Variants in ELAVL3 observed in about 807,000 individuals in gnomAD.
ELAVL3 encodes ELAV-like protein 3.
ELAVL3 carries 8 observed loss-of-function variants against 34.2 expected under a neutral mutation model. That is an observed-to-expected ratio of 0.23 (90% CI 0.14 to 0.42). The LOEUF (loss-of-function observed/expected upper bound fraction) is 0.42, where lower values mean the gene tolerates loss of function less well. Ranked by LOEUF, ELAVL3 falls within the 10% of genes least tolerant of loss-of-function variation. The pLI is 1.00. For synonymous variants in ELAVL3, 209 were observed against 222.1 expected (o/e 0.94, Z 0.53); for missense variants, 273 against 518.8 (o/e 0.53, Z 4.60).
chr19:11,458,544 T>G lies in ELAVL3; in HGVS notation c.401A>C (p.Lys134Thr). The change falls in exon 4 of 7, where the codon AAG (lysine) becomes ACG (threonine). Residue 134 changes from lysine (K) to threonine (T), a missense_variant. By Grantham distance (78) the Lys-to-Thr change is moderately conservative. Around this residue, in one of 4 missense-constraint regions of ELAVL3, gnomAD observed 102 missense variants for 250.1 expected, o/e 0.41. Transcript: ENST00000359227. The surrounding 1 kb of genome is among the most constrained non-coding windows in gnomAD (Gnocchi z 7.3). The stretch of plus-strand genomic sequence containing the variant: ...CTCCATCTCTTTCTGGCTCATGGTC[T>G]TGGGGAGCCCGCTGACGTACAGGTT... ...DANLYVSGLP[K>T]TMSQKEMEQL... The G allele has an allele frequency of 6.2e-7, 1 of 1,614,166 alleles. No homozygotes were observed. Among genetic ancestry groups the G allele is most frequent in the Non-Finnish European group, 8.5e-7 (1 of 1,180,026 alleles).
chr19:11,466,574 C>T lies in ELAVL3; in HGVS notation c.229+34G>A. On this transcript the variant is annotated intron_variant, in intron 2 of 6. Transcript: ENST00000359227. This position sits in a 1 kb window ranked among gnomAD's most constrained non-coding sequence, Gnocchi z 5.0. ...CACCTCTGTATTTCTGAGGCTACCA[C>T]CTCTGTTCCTCCCCGCAACTCCAGC... 1 of 1,610,314 alleles carries T rather than the reference C, an allele frequency of 6.2e-7. No individual in the cohort carries two copies. The highest frequency in any genetic ancestry group is 8.5e-7 in the Non-Finnish European group (1 of 1,177,776).
intron 3 of ELAVL3, among the ~76,000 whole-genome samples, chr19:11,464,125 C>CTG (rs1457738106): frequency 0.017 from 1,631 of 93,616 alleles, 44 homozygotes; most frequent in African/African-American, 0.084. Context: ...CTCTCTCTGT[C>CTG]TCTCTCTCTC....
intron 3 of ELAVL3, among the ~76,000 whole-genome samples, chr19:11,465,052 CACATA>C (rs1971007451): frequency 7.9e-6 from 1 of 125,900 alleles, no homozygotes; most frequent in Non-Finnish European, 1.6e-5. Flanking sequence ...CACACATACA[CACATA>C]CACACATCCC....
chr19:11,475,736 C>T (rs1220263156), intron 1 of ELAVL3, among the ~76,000 whole-genome samples: 7 of 151,958 alleles, frequency 4.6e-5, no homozygotes, highest in Non-Finnish European at 7.4e-5. Context: ...GCCTCAGCCT[C>T]CGAAGTAGCT....
chr19:11,463,157 G>T (rs1451952809), intron 3 of ELAVL3, among the ~76,000 whole-genome samples: 1 of 152,098 alleles, frequency 6.6e-6, no homozygotes, highest in Non-Finnish European at 1.5e-5. Flanking sequence ...CACAGAGGAG[G>T]TTTTCACAGG....
rs1436569252 is a variant in ELAVL3 at position 11,454,974 on chromosome 19, ACCTTGGAATGGTG to A, written c.753-110_753-98del. 1 of 1,355,450 alleles carries A rather than the reference ACCTTGGAATGGTG, an allele frequency of 7.4e-7. No individual in the cohort carries two copies. Among genetic ancestry groups the A allele is most frequent in the African/African-American group, 1.5e-5 (1 of 68,448 alleles). 84.0% of individuals were successfully genotyped at this position (1,355,450 alleles called of 1,614,324 possible). A position where few individuals can be genotyped will look rare whatever the true frequency, so the allele number is the denominator to read the frequency against. On this transcript the variant is annotated intron_variant, in intron 6 of 6. Transcript: ENST00000359227. The surrounding 1 kb of genome is among the most constrained non-coding windows in gnomAD (Gnocchi z 9.2). The stretch of plus-strand genomic sequence containing the variant: ...CTTTATGACCCCTGACTGTGCCATG[ACCTTGGAATGGTG>A]TGACCCCTGCAATGCAATTTTTTTT...
In ELAVL3 at chr19:11,452,902, C is replaced by G. The variant is rs776544004; in HGVS notation, c.*1624G>C. ...CAGACAGAAGCCGGGGGCCGGGGCT[C>G]GAGATCGGGGGCTGTGTCCACTGCA... On this transcript the variant is annotated 3_prime_UTR_variant, in exon 7 of 7. Transcript: ENST00000359227. The G allele has an allele frequency of 6.6e-6, 1 of 151,524 alleles. No individual in the cohort carries two copies. The highest frequency in any genetic ancestry group is 1.9e-4 in the East Asian group (1 of 5,146). 9.4% of individuals were successfully genotyped at this position (151,524 alleles called of 1,614,324 possible). A position where few individuals can be genotyped will look rare whatever the true frequency, so the allele number is the denominator to read the frequency against.
At chr19:11,465,165 A>G (rs1372604008) in intron 3 of ELAVL3, among the ~76,000 whole-genome samples, 1 of 141,104 alleles carries the variant, frequency 7.1e-6, no homozygotes, top group African/African-American at 2.7e-5. Flanking sequence ...ACACATACAC[A>G]TACCACACAC....
Position 11,480,337 on chromosome 19 carries a change from A to G in ELAVL3, c.9+263T>C, listed in dbSNP as rs897302189. On this transcript the variant is annotated intron_variant, in intron 1 of 6. Coordinates refer to ENST00000359227, the MANE Select transcript of ELAVL3 (RefSeq NM_001420.4). This position sits in a 1 kb window ranked among gnomAD's most constrained non-coding sequence, Gnocchi z 6.8. Reference sequence around the variant, plus strand: ...CCATCAGGCCTGCTGGAGAGGGGGCAATCCCGCCTCCAGGGCGGCGTCGGA... The same window carrying G: ...CCATCAGGCCTGCTGGAGAGGGGGCGATCCCGCCTCCAGGGCGGCGTCGGA... 5 of 393,948 alleles carry G rather than the reference A, an allele frequency of 1.3e-5. No homozygotes were observed. The highest frequency in any genetic ancestry group is 2.2e-5 in the Non-Finnish European group (5 of 222,336). 24.4% of individuals were successfully genotyped at this position (393,948 alleles called of 1,614,324 possible).
chr19:11,456,138 C>G (rs2144877092), intron 6 of ELAVL3, among the ~76,000 whole-genome samples: 1 of 151,986 alleles, frequency 6.6e-6, no homozygotes, highest in East Asian at 1.9e-4. Context: ...CGGAATCTCA[C>G]TCTGTCGCCC....
At chr19:11,479,712 G>A (rs1284549719) in intron 1 of ELAVL3, among the ~76,000 whole-genome samples, 1 of 151,642 alleles carries the variant, frequency 6.6e-6, no homozygotes, top group Non-Finnish European at 1.5e-5. Context: ...GGGCGGGAGG[G>A]GCTGCGCGCT....
rs1309903387 is a variant in ELAVL3 at position 11,452,005 on chromosome 19, A to C, written c.*2521T>G. On this transcript the variant is annotated 3_prime_UTR_variant, in exon 7 of 7. Transcript: ENST00000359227. ...TCCCTGCCCTGCTGCAGGGGAGAGG[A>C]GAGAGGGCAGGGAGGACTTAAAACC... 3.3e-5 allele frequency: 5 copies of C among 152,158 alleles called. No homozygotes were observed. The highest frequency in any genetic ancestry group is 1.2e-4 in the African/African-American group (5 of 41,404). 9.4% of individuals were successfully genotyped at this position (152,158 alleles called of 1,614,324 possible).
Position 11,454,477 on chromosome 19 carries a change from C to G in ELAVL3, c.*49G>C. ...TCTCTCTCTCTCTCTCTTTCTCTCT[C>G]TCTCTCTCTGCTGCCCGGGGAGGGG... On this transcript the variant is annotated 3_prime_UTR_variant, in exon 7 of 7. Coordinates refer to ENST00000359227, the MANE Select transcript of ELAVL3 (RefSeq NM_001420.4). The surrounding 1 kb of genome is among the most constrained non-coding windows in gnomAD (Gnocchi z 9.2). 6.8e-7 allele frequency: 1 copy of G among 1,465,358 alleles called. No homozygotes were observed. Among genetic ancestry groups the G allele is most frequent in the Non-Finnish European group, 9.1e-7 (1 of 1,096,908 alleles). The allele number at this position is 1,465,358 out of a possible 1,614,324, so 90.8% of individuals were successfully genotyped here.
chr19:11,465,014 TAC>T (rs1971004541), intron 3 of ELAVL3, among the ~76,000 whole-genome samples: 1 of 54,686 alleles, frequency 1.8e-5, no homozygotes. Flanking sequence ...CACACATACA[TAC>T]ACATACACAC....
chr19:11,451,851 C>G lies in ELAVL3; in HGVS notation c.*2675G>C, dbSNP rs1022840365. 1 of 152,096 alleles carries G rather than the reference C, an allele frequency of 6.6e-6. No individual in the cohort carries two copies. The highest frequency in any genetic ancestry group is 2.4e-5 in the African/African-American group (1 of 41,426). 9.4% of individuals were successfully genotyped at this position (152,096 alleles called of 1,614,324 possible). ...CCCCCTCTCTGGAGCCTGGCCCCCC[C>G]CAGGGTGGGGGACAAACCCAGCCCT... On this transcript the variant is annotated 3_prime_UTR_variant, in exon 7 of 7. Coordinates refer to ENST00000359227, the MANE Select transcript of ELAVL3 (RefSeq NM_001420.4).
intron 1 of ELAVL3, among the ~76,000 whole-genome samples, chr19:11,472,839 G>C (rs1301657663): frequency 1.3e-5 from 2 of 151,586 alleles, no homozygotes; most frequent in African/African-American, 4.9e-5. Context: ...CCAAGGGGGG[G>C]TGGATCGCCA....
rs1482442814 is a variant in ELAVL3 at position 11,466,822 on chromosome 19, T to C, written c.15A>G (p.Ile5Met). 10 of 1,602,458 alleles carry C rather than the reference T, an allele frequency of 6.2e-6. No individual in the cohort carries two copies. The highest frequency in any genetic ancestry group is 8.5e-6 in the Non-Finnish European group (10 of 1,174,058). The stretch of plus-strand genomic sequence containing the variant: ...CCACCTGAGACTCCATGGCCCCCAG[T>C]ATCTGCTGGAGATAACAGGTCGCAT... The part of the protein sequence containing the change: MVTQ[I>M]LGAMESQVGG... The change falls in exon 2 of 7, where the codon ATA (isoleucine) becomes ATG (methionine). Residue 5 changes from isoleucine to methionine, a missense_variant. Transcript: ENST00000359227. The surrounding 1 kb of genome is among the most constrained non-coding windows in gnomAD (Gnocchi z 5.0).
intron 3 of ELAVL3, among the ~76,000 whole-genome samples, chr19:11,462,374 C>T (rs1057197754): frequency 5.9e-5 from 9 of 152,076 alleles, no homozygotes; most frequent in Non-Finnish European, 1.2e-4. Context: ...CGGTGGCTCA[C>T]GCCTGTAATC....
intron 1 of ELAVL3, among the ~76,000 whole-genome samples, chr19:11,473,883 A>G (rs1372253929): frequency 6.6e-6 from 1 of 152,114 alleles, no homozygotes; most frequent in Non-Finnish European, 1.5e-5. Context: ...GCAAACTCCA[A>G]ATTATAGTCA....
Sources: allele counts gnomAD v4.1 joint callset (sites outside exome capture counted in the v4.1 genomes callset), GRCh38; gene constraint gnomAD v4.1.1; regional missense constraint gnomAD v4.1.1; non-coding constraint Gnocchi (gnomAD v3.1); transcripts MANE v1.5; gene names NCBI Gene and HGNC (gene_info 2026-07-23, HGNC 2026-07-21).